Variants in MATN2 observed in about 807,000 individuals in gnomAD.
MATN2 encodes matrilin-2.
In MATN2, 69 loss-of-function variants were observed where a neutral mutation model predicts 103.2. The observed-to-expected ratio is 0.67, with a 90% CI of 0.55 to 0.82. The LOEUF is 0.82. MATN2 is among the 40% of genes least tolerant of loss of function. The probability of loss-of-function intolerance (pLI) is 0.00; values close to 1 mark genes in which losing one functional copy is unlikely to be tolerated. For synonymous variants in MATN2, 429 were observed against 450.2 expected, an observed-to-expected ratio of 0.95 and a Z score of 0.60; for missense variants, 1,023 against 1,211.5, an observed-to-expected ratio of 0.84 and a Z score of 2.31.
Position 97,869,446 on chromosome 8 carries a change from C to T in MATN2, c.-27+159C>T, listed in dbSNP as rs1817819852. ...CCCCAGCGCCCCGGGGCCCCGGCGCCTTCGACCCCTCCGAGGACAGGGGGA... is the reference window on the plus strand; with the variant it reads ...CCCCAGCGCCCCGGGGCCCCGGCGCTTTCGACCCCTCCGAGGACAGGGGGA... On this transcript the variant is annotated intron_variant, in intron 1 of 18. Transcript: ENST00000254898. Among the ~76,000 whole-genome samples, 4 of 127,042 alleles carry T rather than the reference C, an allele frequency of 3.1e-5. No homozygotes were observed. In the Admixed American group the frequency reaches 3.3e-4, roughly 11 times the overall value. 83.3% of individuals were successfully genotyped at this position (127,042 alleles called of 152,430 possible).
chr8:97,921,381 C>A (rs1229580341), intron 2 of MATN2, among the ~76,000 whole-genome samples: 1 of 152,152 alleles, frequency 6.6e-6, no homozygotes, highest in Non-Finnish European at 1.5e-5. Context: ...TAGAGCACGA[C>A]TGAGTCAAAG....
chr8:98,032,051 A>G, intron 15 of MATN2, 195 bp from the exon 16 acceptor site: 1 of 434,444 alleles, frequency 2.3e-6, no homozygotes, highest in Non-Finnish European at 4.1e-6. Flanking sequence ...CTCTTACGAG[A>G]GAGAATTGCC....
At position 97,870,884 on chromosome 8, in the gene MATN2, A is replaced by G. The variant is rs539714184; in HGVS notation, c.-27+1597A>G. ...TAGAATCCTCTGTGGAGAATGAGATACTTATGGCTCTTCACCTTGCATTTT... is the reference window on the plus strand; with the variant it reads ...TAGAATCCTCTGTGGAGAATGAGATGCTTATGGCTCTTCACCTTGCATTTT... On this transcript the variant is annotated intron_variant, in intron 1 of 18. Transcript: ENST00000254898. 3.3e-5 allele frequency among the ~76,000 whole-genome samples: 5 copies of G among 152,338 alleles called. No homozygotes were observed. The South Asian group carries it at 8.3e-4, about 25-fold the overall frequency.
At chr8:98,024,745 G>T (rs2130437974) in intron 13 of MATN2, 1 of 152,294 alleles carries the variant, frequency 6.6e-6, no homozygotes, top group South Asian at 2.1e-4. Context: ...AGAACTTTCT[G>T]AAAATTACGT....
intron 3 of MATN2, among the ~76,000 whole-genome samples, chr8:97,936,358 C>T (rs369543037): frequency 1.3e-5 from 2 of 152,128 alleles, no homozygotes; most frequent in African/African-American, 4.8e-5. Flanking sequence ...AATAGCCCCA[C>T]CCCACCCAGG....
At chr8:98,000,848 A>G (rs1812759741) in intron 7 of MATN2, among the ~76,000 whole-genome samples, 1 of 152,216 alleles carries the variant, frequency 6.6e-6, no homozygotes, top group South Asian at 2.1e-4. Flanking sequence ...GAAGCATCAC[A>G]GATACAAAAC....
rs758028793 is a variant in MATN2, at chr8:98,035,651, A to G, written c.2816-6A>G. On this transcript the variant is annotated splice_region_variant and splice_polypyrimidine_tract_variant and intron_variant, in intron 18 of 18. Transcript: ENST00000254898. Reference sequence around the variant, plus strand: ...AATTCTTCATCTTCCTTAATTTGAGATTTACTAGAAGAAATGACACAGAGA... The same window carrying G: ...AATTCTTCATCTTCCTTAATTTGAGGTTTACTAGAAGAAATGACACAGAGA... 11 of 1,550,582 alleles carry G rather than the reference A, an allele frequency of 7.1e-6. No individual in the cohort carries two copies. The Admixed American group carries it at 1.9e-4, about 27-fold the overall frequency.
At chr8:97,980,919 G>C (rs1811998994) in intron 6 of MATN2, among the ~76,000 whole-genome samples, 1 of 152,108 alleles carries the variant, frequency 6.6e-6, no homozygotes, top group African/African-American at 2.4e-5. Flanking sequence ...GCTCACGCCT[G>C]TAATCCCAGC....
intron 13 of MATN2, chr8:98,025,810 T>C (rs913876208): frequency 4.9e-6 from 2 of 404,202 alleles, no homozygotes; most frequent in Non-Finnish European, 9.6e-6. Flanking sequence ...CAGTCCTAAA[T>C]AACAAAAAGC....
intron 3 of MATN2, among the ~76,000 whole-genome samples, chr8:97,941,161 CAAAAA>C (rs1186024165): frequency 7.6e-4 from 59 of 77,980 alleles, no homozygotes; most frequent in African/African-American, 2.7e-3. Flanking sequence ...GACCTTGTCT[CAAAAA>C]AAAAAAAAAA....
intron 1 of MATN2, among the ~76,000 whole-genome samples, chr8:97,884,343 T>C (rs922099684): frequency 6.6e-6 from 1 of 151,944 alleles, no homozygotes; most frequent in African/African-American, 2.4e-5. Context: ...TTTCTCCATG[T>C]TGATGAGGCT....
chr8:97,945,469 G>A (rs556675894), intron 4 of MATN2, among the ~76,000 whole-genome samples: 9 of 152,052 alleles, frequency 5.9e-5, no homozygotes, highest in Non-Finnish European at 7.4e-5. Context: ...AGAGGACCCC[G>A]ACATGGCAGC....
At chr8:97,892,270 G>A (rs954488715) in intron 2 of MATN2, among the ~76,000 whole-genome samples, 4 of 150,902 alleles carry the variant, frequency 2.7e-5, no homozygotes, top group African/African-American at 7.3e-5. Flanking sequence ...AAAATTAGCC[G>A]GGTGTGGTGG....
At chr8:98,019,050 A>G (rs1433762159) in intron 12 of MATN2, among the ~76,000 whole-genome samples, 1 of 148,956 alleles carries the variant, frequency 6.7e-6, no homozygotes, top group Non-Finnish European at 1.5e-5. Context: ...AGACATATAT[A>G]TAATATATAT....
chr8:98,003,703 A>C lies in MATN2; in HGVS notation c.1247A>C (p.Glu416Ala), dbSNP rs1426581939. ...CALNKPGCEH[E>A]CVNMEESYYC... is the part of the protein sequence containing the mutation. ...CTGAACAAACCGGGCTGTGAGCATGAGTGCGTCAACATGGAGGAGAGCTAC... is the reference window on the plus strand; with the variant it reads ...CTGAACAAACCGGGCTGTGAGCATGCGTGCGTCAACATGGAGGAGAGCTAC... The change falls in exon 8 of 19, where the codon GAG becomes GCG. Residue 416 changes from glutamate to alanine, a missense_variant. Transcript: ENST00000254898. The C allele has an allele frequency of 6.2e-7, 1 of 1,613,906 alleles. No homozygotes were observed. Among genetic ancestry groups the C allele is most frequent in the Non-Finnish European group, 8.5e-7 (1 of 1,179,830 alleles).
chr8:97,924,718 TAA>T (rs1482676451), intron 2 of MATN2, among the ~76,000 whole-genome samples: 3 of 105,768 alleles, frequency 2.8e-5, no homozygotes, highest in African/African-American at 6.5e-5. Context: ...ATCATATTAT[TAA>T]GTGTTTTTTT....
chr8:97,919,067 G>A (rs1266540083), intron 2 of MATN2, among the ~76,000 whole-genome samples: 1 of 152,164 alleles, frequency 6.6e-6, no homozygotes, highest in East Asian at 1.9e-4. Context: ...GGCCACTCCT[G>A]GTTTGGGGGA....
In MATN2 at chr8:98,005,626, G is replaced by C. The variant is rs1812942446; in HGVS notation, c.1328-1479G>C. On this transcript the variant is annotated intron_variant, in intron 8 of 18. Coordinates refer to ENST00000254898, the MANE Select transcript of MATN2 (RefSeq NM_002380.5). This position sits in a 1 kb window ranked among gnomAD's most constrained non-coding sequence, Gnocchi z 4.6. ...AGCTGTTTCTGTCTCGCAGTCCTTA[G>C]AGAAAGCCACAGGCTTCTGCTTTCT... Among the ~76,000 whole-genome samples the C allele has an allele frequency of 6.6e-6, 1 of 152,174 alleles. No homozygotes were observed. Among genetic ancestry groups the C allele is most frequent in the Admixed American group, 6.5e-5 (1 of 15,276 alleles).
At chr8:98,015,984 A>T (rs2130414328) in intron 10 of MATN2, among the ~76,000 whole-genome samples, 1 of 152,342 alleles carries the variant, frequency 6.6e-6, no homozygotes, top group Non-Finnish European at 1.5e-5. Flanking sequence ...CATAATAGCC[A>T]GTTAGGTTAA....
Sources: allele counts gnomAD v4.1 joint callset (sites outside exome capture counted in the v4.1 genomes callset), GRCh38; gene constraint gnomAD v4.1.1; non-coding constraint Gnocchi (gnomAD v3.1); transcripts MANE v1.5; gene names NCBI Gene and HGNC (gene_info 2026-07-23, HGNC 2026-07-21).